Variants in SEC23A observed in about 807,000 individuals in gnomAD.
SEC23A encodes the protein SEC23 homolog A, COPII component, also known as protein transport protein Sec23A.
Under a neutral mutation model 103.7 loss-of-function variants are expected in SEC23A, and 56 were observed. The observed-to-expected ratio is 0.54, with a 90% CI of 0.44 to 0.67. The LOEUF is 0.67. SEC23A is among the 30% of genes least tolerant of loss of function. The pLI, the probability that SEC23A is intolerant of heterozygous loss-of-function variation, is 0.00. For synonymous variants in SEC23A, 281 were observed against 293.0 expected, an observed-to-expected ratio of 0.96 and a Z score of 0.42; for missense variants, 784 against 936.4, an observed-to-expected ratio of 0.84 and a Z score of 2.12.
At chr14:39,033,378 G>A in intron 19 of SEC23A, 50 bp from the exon 20 acceptor site, 1 of 1,185,856 alleles carries the variant, frequency 8.4e-7, no homozygotes, top group Non-Finnish European at 1.3e-6. Flanking sequence ...GTGATATCAT[G>A]GAATTTATAC....
At chr14:39,079,121 G>C (rs1261306274) in intron 7 of SEC23A, among the ~76,000 whole-genome samples, 1 of 151,994 alleles carries the variant, frequency 6.6e-6, no homozygotes, top group Non-Finnish European at 1.5e-5. Flanking sequence ...AAACTAGAGA[G>C]GAATGACTTG....
chr14:39,053,274 C>A (rs1886130419), intron 14 of SEC23A, among the ~76,000 whole-genome samples: 1 of 152,196 alleles, frequency 6.6e-6, no homozygotes, highest in African/African-American at 2.4e-5. Flanking sequence ...AGATTCTCTA[C>A]AGATTGACGA....
At chr14:39,078,662 T>A (rs1188293896) in intron 7 of SEC23A, among the ~76,000 whole-genome samples, 1 of 152,108 alleles carries the variant, frequency 6.6e-6, no homozygotes, top group Non-Finnish European at 1.5e-5. Context: ...ACAACAAACA[T>A]GACAACTCTC....
At chr14:39,086,868 G>A (rs1887461654) in intron 6 of SEC23A, 61 bp downstream of exon 6, 2 of 947,396 alleles carry the variant, frequency 2.1e-6, no homozygotes, top group Admixed American at 3.4e-5. Flanking sequence ...CTATGTTCAA[G>A]GGTATGGAAT....
At chr14:39,038,943 T>C (rs550441026) in intron 19 of SEC23A, 88 bp downstream of exon 19, 44 of 1,155,664 alleles carry the variant, frequency 3.8e-5, no homozygotes, top group Non-Finnish European at 5.6e-5. Flanking sequence ...CATTACTAAA[T>C]ACACAGGAAA....
chr14:39,083,338 C>T (rs2139269541), intron 7 of SEC23A, among the ~76,000 whole-genome samples: 1 of 152,180 alleles, frequency 6.6e-6, no homozygotes, highest in South Asian at 2.1e-4. Flanking sequence ...ATGCACCTAC[C>T]TGTGTCTCTC....
At chr14:39,076,952 C>A (rs1456608517) in intron 7 of SEC23A, among the ~76,000 whole-genome samples, 1 of 148,808 alleles carries the variant, frequency 6.7e-6, no homozygotes, top group East Asian at 2.0e-4. Flanking sequence ...AGAGGCTGGA[C>A]GCAGTGGCTG....
At position 39,061,859 on chromosome 14, in the gene SEC23A, T is replaced by G; in HGVS notation, c.1411A>C (p.Ile471Leu). The change falls in exon 13 of 20, where the codon ATT (isoleucine) becomes CTT (leucine). Residue 471 changes from isoleucine to leucine, a missense_variant. Physicochemically the swap from Ile to Leu is conservative, Grantham distance 5. Coordinates refer to ENST00000307712, the MANE Select transcript of SEC23A (RefSeq NM_006364.4). ...ATTGCACCACGCCCTCCTTGAGGAA[T>G]TGGAGCATTATGCTGTATAAATATA... The part of the protein sequence containing the change: ...FEVVNQHNAP[I>L]PQGGRGAIQF... The G allele has an allele frequency of 1.2e-6, 2 of 1,612,744 alleles. No individual in the cohort carries two copies. Among genetic ancestry groups the G allele is most frequent in the Non-Finnish European group, 1.7e-6 (2 of 1,178,752 alleles).
chr14:39,080,569 C>A (rs187463868), intron 7 of SEC23A, among the ~76,000 whole-genome samples: 2 of 152,096 alleles, frequency 1.3e-5, no homozygotes, highest in African/African-American at 4.8e-5. Context: ...CCGCCCCCGG[C>A]TAATTTTTGT....
At chr14:39,072,005 G>A (rs374072177) in intron 9 of SEC23A, among the ~76,000 whole-genome samples, 2 of 152,034 alleles carry the variant, frequency 1.3e-5, no homozygotes. Context: ...AGGCCGAGGT[G>A]GGTGGATCTC....
At chr14:39,039,201 T>C (rs1885557766) in intron 18 of SEC23A, 105 bp from the exon 19 acceptor site, 1 of 905,102 alleles carries the variant, frequency 1.1e-6, no homozygotes, top group African/African-American at 1.7e-5. Context: ...TATGTGTTGG[T>C]AAAATTAATT....
chr14:39,088,283 C>T (rs1238726403), intron 5 of SEC23A: 1 of 152,066 alleles, frequency 6.6e-6, no homozygotes, highest in Non-Finnish European at 1.5e-5. Context: ...AGTCTGCAGG[C>T]ATTCACTTGC....
intron 19 of SEC23A, among the ~76,000 whole-genome samples, chr14:39,033,644 A>AGGAGT (rs1331392454): frequency 2.0e-5 from 3 of 152,194 alleles, no homozygotes; most frequent in Non-Finnish European, 2.9e-5. Context: ...TGCTTTTAAA[A>AGGAGT]GAAAGCCTGA....
chr14:39,071,615 A>G (rs1462064379), intron 9 of SEC23A, among the ~76,000 whole-genome samples: 1 of 152,188 alleles, frequency 6.6e-6, no homozygotes, highest in Non-Finnish European at 1.5e-5. Flanking sequence ...CTGTAATCCT[A>G]GCACTTTCGG....
At position 39,085,681 on chromosome 14, in the gene SEC23A, A is replaced by ATT. The variant is rs1413195487; in HGVS notation, c.828+79_828+80dup. 8 of 1,212,506 alleles carry ATT rather than the reference A, an allele frequency of 6.6e-6. No homozygotes were observed. The South Asian group carries it at 1.1e-4, about 17-fold the overall frequency. The allele number at this position is 1,212,506 out of a possible 1,614,324, so 75.1% of individuals were successfully genotyped here. On this transcript the variant is annotated intron_variant, in intron 7 of 19. Transcript: ENST00000307712. ...CACTTTGGTTCTTCTTATCCTTATA[A>ATT]TTATATATACACACACACACACACA...
At chr14:39,100,065 T>G (rs753237857) in intron 1 of SEC23A, among the ~76,000 whole-genome samples, 11 of 152,184 alleles carry the variant, frequency 7.2e-5, no homozygotes, top group Non-Finnish European at 1.6e-4. Flanking sequence ...TTCTTACTTC[T>G]TATTAAGACA....
At chr14:39,068,325 A>G (rs1886741394) in intron 9 of SEC23A, among the ~76,000 whole-genome samples, 1 of 152,194 alleles carries the variant, frequency 6.6e-6, no homozygotes. Context: ...GAGTAACTTG[A>G]TAATATCTAA....
intron 7 of SEC23A, among the ~76,000 whole-genome samples, chr14:39,079,378 C>T (rs1228165540): frequency 6.6e-6 from 1 of 152,108 alleles, no homozygotes; most frequent in African/African-American, 2.4e-5. Context: ...CTTTATTCCA[C>T]AATTAATATT....
intron 2 of SEC23A, among the ~76,000 whole-genome samples, chr14:39,094,397 CATATATATATATATAT>C (rs1242407974): frequency 0.037 from 296 of 7,904 alleles, 36 homozygotes; most frequent in East Asian, 0.098. Flanking sequence ...CACACACACA[CATATATATATATATAT>C]ATATATATAT....
Sources: allele counts gnomAD v4.1 joint callset (sites outside exome capture counted in the v4.1 genomes callset), GRCh38; gene constraint gnomAD v4.1.1; transcripts MANE v1.5; gene names NCBI Gene and HGNC (gene_info 2026-07-23, HGNC 2026-07-21).